The following ULK2 variants were observed in gnomAD, a reference collection of about 807,000 sequenced individuals.
ULK2 encodes unc-51 like autophagy activating kinase 2.
ULK2 carries 76 observed loss-of-function variants against 127.5 expected under a neutral mutation model. The observed-to-expected ratio is 0.60, with a 90% CI of 0.50 to 0.72. The LOEUF (loss-of-function observed/expected upper bound fraction) is 0.72, where lower values mean the gene tolerates loss of function less well. Among genes scored for constraint, ULK2 ranks in the 30% least tolerant of loss-of-function variants. The pLI, the probability that ULK2 is intolerant of heterozygous loss-of-function variation, is 0.00. For missense variants in ULK2, 1,144 were observed against 1,295.9 expected (o/e 0.88, Z 1.80); for synonymous variants, 452 against 461.9 (o/e 0.98, Z 0.28).
intron 19 of ULK2, 42 bp downstream of exon 19, chr17:19,796,053 A>G (rs760640558): frequency 6.4e-7 from 1 of 1,570,156 alleles, no homozygotes; most frequent in Non-Finnish European, 8.6e-7. Context: ...TTTTACTATT[A>G]CAGTTTTCAT....
rs201836052 is a variant in ULK2, at chr17:19,866,351, A to C, written c.91-523T>G. On this transcript the variant is annotated intron_variant, in intron 1 of 26. Transcript: ENST00000395544. ...CCCATCTCTACTAAAAATACAAAAAAAAAAAAATTAGGCGGGCGTGGTGGC... is the reference window on the plus strand; with the variant it reads ...CCCATCTCTACTAAAAATACAAAAACAAAAAAATTAGGCGGGCGTGGTGGC... Among the ~76,000 whole-genome samples, 92 of 151,774 alleles carry C rather than the reference A, an allele frequency of 6.1e-4. 1 individual carries two copies. The East Asian group carries it at 0.017, about 27-fold the overall frequency.
At chr17:19,847,277 A>T (rs1401228724) in intron 5 of ULK2, among the ~76,000 whole-genome samples, 1 of 152,188 alleles carries the variant, frequency 6.6e-6, no homozygotes, top group Non-Finnish European at 1.5e-5. Flanking sequence ...ATATTAGTCA[A>T]ATATCTGGAA....
chr17:19,822,777 C>G (rs1328280974), intron 12 of ULK2, among the ~76,000 whole-genome samples: 3 of 152,210 alleles, frequency 2.0e-5, no homozygotes, highest in Middle Eastern at 3.4e-3. Flanking sequence ...ACCTCCGCCT[C>G]CCGGGTTCAA....
rs576654429 is a variant in ULK2, at chr17:19,786,327, TTA to T, written c.2102-243_2102-242del. Among the ~76,000 whole-genome samples the T allele has an allele frequency of 2.8e-3, 427 of 152,154 alleles. 1 individual carries two copies. Among genetic ancestry groups the T allele is most frequent in the African/African-American group, 0.01 (419 of 41,524 alleles). ...TCACACCAAAATTTAGCATTCAGAG[TTA>T]TGTTTGTATACTTCTAAAATACATG... On this transcript the variant is annotated intron_variant, in intron 20 of 26. Transcript: ENST00000395544.
rs1225252161 is a variant in ULK2 at position 19,797,464 on chromosome 17, A to AC, written c.1740dup (p.Ser581ValfsTer7). On this transcript the variant is annotated frameshift_variant, in exon 18 of 27. Transcript: ENST00000395544. LOFTEE classifies it high-confidence loss of function. ...AACCAGTCAGAACTCCGTGGAGAGG[A>AC]CCCCAAGTGCTTGGTGGGAGAAGTT... 1 of 1,613,826 alleles carries AC rather than the reference A, an allele frequency of 6.2e-7. No individual in the cohort carries two copies.
rs1036886062 is a variant in ULK2, at chr17:19,796,098, C to G, written c.1994G>C (p.Gly665Ala). 1.2e-6 allele frequency: 2 copies of G among 1,606,396 alleles called. No individual in the cohort carries two copies. Among genetic ancestry groups the G allele is most frequent in the East Asian group, 2.2e-5 (1 of 44,856 alleles). The stretch of plus-strand genomic sequence containing the variant: ...TAGAATGGAAACAGTCTTTTACCTG[C>G]CAAACACTGCCTTGCTCTGCTGCTC... ...RAEQQSKAVFGRSVSTGKLSD... is the reference protein window; with the variant it reads ...RAEQQSKAVFARSVSTGKLSD... The change falls in exon 19 of 27, where the codon GGC becomes GCC. Residue 665 changes from glycine to alanine, a missense_variant. This residue lies in a region of ULK2 where 913 missense variants were observed against 970.5 expected (regional missense o/e 0.94). Transcript: ENST00000395544.
chr17:19,785,878 G>T (rs959745572), intron 21 of ULK2, 59 bp downstream of exon 21: 8 of 1,566,320 alleles, frequency 5.1e-6, no homozygotes, highest in East Asian at 2.4e-5. Flanking sequence ...TGAGTCATTT[G>T]TCAAAACACT....
chr17:19,851,534 A>C (rs911260627), intron 3 of ULK2, among the ~76,000 whole-genome samples: 6 of 149,784 alleles, frequency 4.0e-5, no homozygotes, highest in African/African-American at 1.5e-4. Context: ...CAGCTACTCC[A>C]AAGGCTGAGG....
In ULK2 at chr17:19,836,234, C is replaced by A. The variant is rs555527705; in HGVS notation, c.787+2267G>T. ...GATCAGCCTGACCAACATGGTGAAA[C>A]CCCATCTCTACTAAAAATACAAAAA... On this transcript the variant is annotated intron_variant, in intron 10 of 26. Coordinates refer to ENST00000395544, the MANE Select transcript of ULK2 (RefSeq NM_014683.4). 4.0e-5 allele frequency among the ~76,000 whole-genome samples: 6 copies of A among 151,650 alleles called. No individual in the cohort carries two copies. In the South Asian group the frequency reaches 1.0e-3, roughly 26 times the overall value.
chr17:19,796,404 G>C, intron 18 of ULK2, 122 bp from the exon 19 acceptor site: 1 of 922,414 alleles, frequency 1.1e-6, no homozygotes, highest in East Asian at 3.1e-5. Flanking sequence ...TCGGGTGGTG[G>C]GAAAAATTGT....
intron 20 of ULK2, among the ~76,000 whole-genome samples, chr17:19,786,322 CAG>C (rs2087031071): frequency 6.6e-6 from 1 of 152,064 alleles, no homozygotes. Context: ...ATTTAGCATT[CAG>C]AGTTATGTTT....
At chr17:19,784,265 G>A (rs2086981221) in intron 21 of ULK2, among the ~76,000 whole-genome samples, 1 of 151,808 alleles carries the variant, frequency 6.6e-6, no homozygotes, top group Admixed American at 6.6e-5. Context: ...TGTTTATCTG[G>A]AGTCATTTAT....
At chr17:19,824,400 T>A (rs564242179) in intron 12 of ULK2, among the ~76,000 whole-genome samples, 1 of 128,092 alleles carries the variant, frequency 7.8e-6, no homozygotes, top group Admixed American at 1.1e-4. Flanking sequence ...TGAGCCAAGA[T>A]GGAGCCACTA....
intron 5 of ULK2, among the ~76,000 whole-genome samples, chr17:19,848,961 T>C (rs572934147): frequency 2.6e-5 from 4 of 152,304 alleles, no homozygotes; most frequent in East Asian, 1.9e-4. Context: ...GTTGCCTTTT[T>C]TTAATTACAA....
intron 10 of ULK2, among the ~76,000 whole-genome samples, chr17:19,831,833 A>C (rs2041452963): frequency 6.6e-6 from 1 of 151,954 alleles, no homozygotes; most frequent in Non-Finnish European, 1.5e-5. Context: ...TCTCAAAAAA[A>C]AGAAGAAATA....
intron 9 of ULK2, chr17:19,840,197 C>T (rs2041708110): frequency 2.0e-6 from 1 of 493,664 alleles, no homozygotes. Context: ...CCGAATACAA[C>T]ATATCTCCGG....
chr17:19,864,951 C>T (rs2042322219), intron 2 of ULK2, 107 bp from the exon 3 acceptor site: 2 of 395,660 alleles, frequency 5.1e-6, no homozygotes, highest in Non-Finnish European at 8.6e-6. Context: ...TAGTATTATA[C>T]TTATATTAAG....
intron 21 of ULK2, 126 bp from the exon 22 acceptor site, chr17:19,784,031 A>AC: frequency 2.9e-6 from 2 of 688,036 alleles, no homozygotes; most frequent in Non-Finnish European, 4.2e-6. Context: ...AAACTCACTG[A>AC]CCCCCTATGT....
At chr17:19,843,047 C>T in intron 8 of ULK2, 74 bp downstream of exon 8, 2 of 1,238,034 alleles carry the variant, frequency 1.6e-6, no homozygotes, top group African/African-American at 1.5e-5. Flanking sequence ...AAGTATTCTT[C>T]ATTTTACAAA....
Sources: allele counts gnomAD v4.1 joint callset (sites outside exome capture counted in the v4.1 genomes callset), GRCh38; gene constraint gnomAD v4.1.1; regional missense constraint gnomAD v4.1.1; transcripts MANE v1.5; gene names NCBI Gene and HGNC (gene_info 2026-07-23, HGNC 2026-07-21).